The following ZCCHC24 variants were observed in gnomAD, a reference collection of about 807,000 sequenced individuals.
The protein encoded by ZCCHC24 is zinc finger CCHC domain-containing protein 24.
Under a neutral mutation model 26.2 loss-of-function variants are expected in ZCCHC24, and 10 were observed. The ratio of observed to expected loss-of-function variants is 0.38; its 90% CI spans 0.24 to 0.65. The LOEUF is 0.65. ZCCHC24 is among the 30% of genes least tolerant of loss of function. The probability of loss-of-function intolerance (pLI) is 0.54; values close to 1 mark genes in which losing one functional copy is unlikely to be tolerated. For missense variants in ZCCHC24, 243 were observed against 329.1 expected, an observed-to-expected ratio of 0.74 and a Z score of 2.03; for synonymous variants, 144 against 147.1, an observed-to-expected ratio of 0.98 and a Z score of 0.15.
intron 2 of ZCCHC24, among the ~76,000 whole-genome samples, chr10:79,401,789 G>A (rs1856636220): frequency 6.6e-6 from 1 of 152,248 alleles, no homozygotes; most frequent in South Asian, 2.1e-4. Flanking sequence ...ACCCCACCGT[G>A]CGTCCAGCTG....
chr10:79,423,099 G>A (rs1856969780), intron 2 of ZCCHC24, among the ~76,000 whole-genome samples: 1 of 152,164 alleles, frequency 6.6e-6, no homozygotes, highest in East Asian at 1.9e-4. Context: ...TAGTGGAGTG[G>A]TAGTACGTGA....
chr10:79,390,907 A>C (rs1455155098), intron 3 of ZCCHC24, among the ~76,000 whole-genome samples: 1 of 152,032 alleles, frequency 6.6e-6, no homozygotes, highest in Non-Finnish European at 1.5e-5. Context: ...AGCCCTCTCC[A>C]CCGCGGGGCA....
intron 2 of ZCCHC24, among the ~76,000 whole-genome samples, chr10:79,409,572 A>G (rs953793481): frequency 2.0e-5 from 3 of 151,844 alleles, no homozygotes; most frequent in Admixed American, 2.0e-4. Flanking sequence ...GCAAGTGACC[A>G]TTTGGACATG....
intron 3 of ZCCHC24, among the ~76,000 whole-genome samples, chr10:79,390,875 T>C (rs1461228960): frequency 3.3e-5 from 5 of 152,114 alleles, no homozygotes; most frequent in Non-Finnish European, 5.9e-5. Context: ...GTCAGGGCTC[T>C]GTGGGGCAGG....
intron 2 of ZCCHC24, among the ~76,000 whole-genome samples, chr10:79,407,983 G>A (rs774688846): frequency 2.9e-4 from 44 of 152,288 alleles, no homozygotes; most frequent in Non-Finnish European, 4.0e-4. Flanking sequence ...AACCATCACC[G>A]GGAACAATGA....
intron 3 of ZCCHC24, among the ~76,000 whole-genome samples, chr10:79,388,704 C>T (rs1007838590): frequency 3.3e-5 from 5 of 152,204 alleles, no homozygotes; most frequent in Non-Finnish European, 1.5e-5. Flanking sequence ...AGGCCCCACA[C>T]AACCCTCACT....
chr10:79,385,801 C>T lies in ZCCHC24; in HGVS notation c.*544G>A, dbSNP rs74144725. The T allele has an allele frequency of 1.2e-3, 236 of 193,188 alleles. No individual in the cohort carries two copies. Among genetic ancestry groups the T allele is most frequent in the African/African-American group, 5.3e-3 (229 of 43,184 alleles). 12.0% of individuals were successfully genotyped at this position (193,188 alleles called of 1,614,324 possible). A position where few individuals can be genotyped will look rare whatever the true frequency, so the allele number is the denominator to read the frequency against. On this transcript the variant is annotated 3_prime_UTR_variant, in exon 4 of 4. Coordinates refer to ENST00000372336, the MANE Select transcript of ZCCHC24 (RefSeq NM_153367.4). This position sits in a 1 kb window ranked among gnomAD's most constrained non-coding sequence, Gnocchi z 4.3. ...GTCTGGATTTGGGGCTTAAGGTGGG[C>T]AAGGGACAGAGAGGTCCACTCCCCA...
At chr10:79,428,911 T>C (rs188697283) in intron 2 of ZCCHC24, among the ~76,000 whole-genome samples, 6 of 151,832 alleles carry the variant, frequency 4.0e-5, no homozygotes, top group African/African-American at 1.5e-4. Flanking sequence ...AGATGCAAAC[T>C]GTAGTAACTG....
Position 79,445,554 on chromosome 10 carries a change from G to A in ZCCHC24, c.-114C>T. 2.1e-6 allele frequency: 2 copies of A among 975,184 alleles called. No homozygotes were observed. The highest frequency in any genetic ancestry group is 2.6e-6 in the Non-Finnish European group (2 of 778,588). 60.4% of individuals were successfully genotyped at this position (975,184 alleles called of 1,614,324 possible). A position where few individuals can be genotyped will look rare whatever the true frequency, so the allele number is the denominator to read the frequency against. On this transcript the variant is annotated 5_prime_UTR_variant, in exon 1 of 4. Coordinates refer to ENST00000372336, the MANE Select transcript of ZCCHC24 (RefSeq NM_153367.4). ...ACTGCCCGCCTCCCGAGCCCCGACGGTGATCGCCCCGCGCCCTGCGCCCCG... is the reference window on the plus strand; with the variant it reads ...ACTGCCCGCCTCCCGAGCCCCGACGATGATCGCCCCGCGCCCTGCGCCCCG...
chr10:79,433,647 C>A (rs1198120843), intron 1 of ZCCHC24, among the ~76,000 whole-genome samples: 1 of 152,234 alleles, frequency 6.6e-6, no homozygotes, highest in Non-Finnish European at 1.5e-5. Flanking sequence ...AACAACAAAT[C>A]TGGGCTTGGG....
chr10:79,432,781 T>C (rs749372020), intron 1 of ZCCHC24, 23 bp from the exon 2 acceptor site: 10 of 1,604,942 alleles, frequency 6.2e-6, no homozygotes, highest in Middle Eastern at 1.7e-4. Flanking sequence ...GAGGCACATA[T>C]ACTACAGCCT....
At chr10:79,432,782 A>T (rs1475421846) in intron 1 of ZCCHC24, 24 bp from the exon 2 acceptor site, 1 of 1,604,736 alleles carries the variant, frequency 6.2e-7, no homozygotes, top group Non-Finnish European at 8.5e-7. Context: ...AGGCACATAT[A>T]CTACAGCCTC....
intron 2 of ZCCHC24, among the ~76,000 whole-genome samples, chr10:79,418,462 G>A (rs553097085): frequency 2.0e-5 from 3 of 152,340 alleles, no homozygotes; most frequent in East Asian, 3.9e-4. Context: ...CAGGAAGTAG[G>A]AGACAGACTT....
chr10:79,404,211 G>A (rs1197016782), intron 2 of ZCCHC24, among the ~76,000 whole-genome samples: 1 of 152,192 alleles, frequency 6.6e-6, no homozygotes, highest in Admixed American at 6.5e-5. Context: ...CCCTGTGCCC[G>A]GCCCTGAGGC....
At chr10:79,404,478 C>G (rs1198258646) in intron 2 of ZCCHC24, among the ~76,000 whole-genome samples, 1 of 152,182 alleles carries the variant, frequency 6.6e-6, no homozygotes. Flanking sequence ...TTGCAAAAGA[C>G]AGAGGTTTCC....
chr10:79,433,700 C>T (rs1857170308), intron 1 of ZCCHC24, among the ~76,000 whole-genome samples: 1 of 152,186 alleles, frequency 6.6e-6, no homozygotes, highest in Non-Finnish European at 1.5e-5. Flanking sequence ...CCAAGAACTG[C>T]AGGAATAAGC....
At chr10:79,432,528 A>G (rs777758263) in intron 2 of ZCCHC24, 30 bp downstream of exon 2, 1 of 1,583,660 alleles carries the variant, frequency 6.3e-7, no homozygotes, top group Non-Finnish European at 8.6e-7. Context: ...GGGGAGCCCA[A>G]GAGCACCCCC....
chr10:79,426,178 T>G (rs573686537), intron 2 of ZCCHC24, among the ~76,000 whole-genome samples: 1 of 152,186 alleles, frequency 6.6e-6, no homozygotes, highest in Admixed American at 6.5e-5. Context: ...AAGTAATAAG[T>G]GACCAACCCC....
intron 2 of ZCCHC24, among the ~76,000 whole-genome samples, chr10:79,413,463 G>A (rs1301746585): frequency 6.6e-6 from 1 of 152,248 alleles, no homozygotes; most frequent in Non-Finnish European, 1.5e-5. Context: ...AGGTCATGCG[G>A]GGGCAGGGGG....
Sources: gnomAD v4.1 joint callset for allele counts (sites outside exome capture counted in the v4.1 genomes callset) on GRCh38, gnomAD v4.1.1 for gene constraint, Gnocchi (gnomAD v3.1) non-coding constraint, MANE v1.5 for transcripts, NCBI Gene and HGNC (gene_info 2026-07-23, HGNC 2026-07-21) for gene names.